ANKS1B: variants seen among roughly 807,000 people sequenced by gnomAD.
ANKS1B encodes ankyrin repeat and sterile alpha motif domain-containing protein 1B.
ANKS1B carries 36 observed loss-of-function variants against 148.3 expected under a neutral mutation model. That is an observed-to-expected ratio of 0.24 (90% CI 0.19 to 0.32). The LOEUF (loss-of-function observed/expected upper bound fraction) is 0.32, where lower values mean the gene tolerates loss of function less well. Ranked by LOEUF, ANKS1B falls within the 10% of genes least tolerant of loss-of-function variation. The probability of loss-of-function intolerance (pLI) is 1.00; values close to 1 mark genes in which losing one functional copy is unlikely to be tolerated. For synonymous variants in ANKS1B, 542 were observed against 560.8 expected (o/e 0.97, Z 0.47); for missense variants, 1,157 against 1,542.6 (o/e 0.75, Z 4.19).
At chr12:99,840,644 A>G (rs1290514031) in intron 1 of ANKS1B, among the ~76,000 whole-genome samples, 1 of 152,170 alleles carries the variant, frequency 6.6e-6, no homozygotes, top group African/African-American at 2.4e-5. Context: ...ACGTGCAAAG[A>G]AAAGAAACAG....
chr12:98,844,389 C>G (rs561038155), intron 17 of ANKS1B, among the ~76,000 whole-genome samples: 1 of 152,256 alleles, frequency 6.6e-6, no homozygotes, highest in African/African-American at 2.4e-5. Context: ...AAGGGCTGAG[C>G]CCTCCCCTGG....
intron 15 of ANKS1B, among the ~76,000 whole-genome samples, chr12:99,107,375 A>G (rs1341371952): frequency 6.6e-6 from 1 of 152,166 alleles, no homozygotes; most frequent in Non-Finnish European, 1.5e-5. Flanking sequence ...ATGCCAGATG[A>G]TTAAGTAGAA....
intron 14 of ANKS1B, among the ~76,000 whole-genome samples, chr12:99,180,024 A>G (rs866079749): frequency 7.2e-5 from 11 of 152,196 alleles, no homozygotes; most frequent in South Asian, 2.1e-4. Flanking sequence ...TTTATTCATT[A>G]CCTGCCTCAT....
At chr12:98,942,358 C>T (rs1054505200) in intron 17 of ANKS1B, among the ~76,000 whole-genome samples, 2 of 152,130 alleles carry the variant, frequency 1.3e-5, no homozygotes, top group Non-Finnish European at 2.9e-5. Flanking sequence ...AACAGGCTGA[C>T]TTTTTGAGCC....
At chr12:99,936,927 T>A (rs985617585) in intron 1 of ANKS1B, among the ~76,000 whole-genome samples, 4 of 152,176 alleles carry the variant, frequency 2.6e-5, no homozygotes, top group African/African-American at 9.7e-5. Context: ...ATAGATTTTT[T>A]AAAGTGGAAA....
intron 17 of ANKS1B, among the ~76,000 whole-genome samples, chr12:98,928,678 T>C (rs1239029737): frequency 6.6e-6 from 1 of 151,830 alleles, no homozygotes; most frequent in East Asian, 1.9e-4. Flanking sequence ...ATATATAAAA[T>C]GACAAAAATT....
intron 12 of ANKS1B, among the ~76,000 whole-genome samples, chr12:99,399,335 C>A (rs934868805): frequency 1.3e-5 from 2 of 152,094 alleles, no homozygotes; most frequent in Non-Finnish European, 2.9e-5. Flanking sequence ...TTAGTTGATA[C>A]CGCTGTGTGG....
intron 17 of ANKS1B, among the ~76,000 whole-genome samples, chr12:98,899,877 A>G (rs2099769771): frequency 6.6e-6 from 1 of 152,216 alleles, no homozygotes. Context: ...CACTCTGATA[A>G]AAATGTCTGA....
intron 12 of ANKS1B, among the ~76,000 whole-genome samples, chr12:99,282,525 C>T (rs943021980): frequency 1.3e-5 from 2 of 152,018 alleles, no homozygotes; most frequent in African/African-American, 4.8e-5. Flanking sequence ...AAGAGAAGGT[C>T]GAAGCAGGCC....
At position 99,246,395 on chromosome 12, in the gene ANKS1B, G is replaced by A. The variant is rs1253946527; in HGVS notation, c.2226C>T (p.Leu742=). 2 of 1,613,776 alleles carry A rather than the reference G, an allele frequency of 1.2e-6. No individual in the cohort carries two copies. The highest frequency in any genetic ancestry group is 1.7e-6 in the Non-Finnish European group (2 of 1,179,860). ...TTTTCTCATTGGAAGGATAGGCAAT[G>A]AGATCAGAATCAGATTTAGAGACAC... is the stretch of plus-strand genomic sequence containing the variant. ...SKSVSKSDSD[L]IAYPSNEKTS... Residue 742 remains leucine, a synonymous_variant, in exon 13 of 27, where the codon CTC becomes CTT. Coordinates refer to ENST00000683438, the MANE Select transcript of ANKS1B (RefSeq NM_001352186.2).
chr12:99,803,790 T>C (rs1313320315), intron 4 of ANKS1B, among the ~76,000 whole-genome samples: 1 of 152,202 alleles, frequency 6.6e-6, no homozygotes, highest in African/African-American at 2.4e-5. Context: ...TGTTGGACTT[T>C]CAAAGGTCCC....
intron 1 of ANKS1B, among the ~76,000 whole-genome samples, chr12:99,840,120 T>C (rs914471405): frequency 6.6e-6 from 1 of 152,110 alleles, no homozygotes; most frequent in Non-Finnish European, 1.5e-5. Flanking sequence ...TACAAATGAA[T>C]ATATAAATAT....
At chr12:99,952,260 T>C (rs1318834481) in intron 1 of ANKS1B, among the ~76,000 whole-genome samples, 1 of 152,152 alleles carries the variant, frequency 6.6e-6, no homozygotes, top group Non-Finnish European at 1.5e-5. Context: ...AAATGCTGAA[T>C]TGATCCTCTA....
intron 25 of ANKS1B, among the ~76,000 whole-genome samples, chr12:98,772,552 G>T (rs2098600696): frequency 6.6e-6 from 1 of 152,190 alleles, no homozygotes; most frequent in Non-Finnish European, 1.5e-5. Context: ...CGGCAGGCAA[G>T]AGAGAGCTTG....
chr12:99,353,041 T>C (rs2091598427), intron 12 of ANKS1B, among the ~76,000 whole-genome samples: 1 of 152,060 alleles, frequency 6.6e-6, no homozygotes, highest in Admixed American at 6.6e-5. Context: ...CAAGTTTCAC[T>C]GTACACAAAA....
chr12:99,025,264 T>C (rs1338044661), intron 17 of ANKS1B, among the ~76,000 whole-genome samples: 1 of 152,156 alleles, frequency 6.6e-6, no homozygotes, highest in Non-Finnish European at 1.5e-5. Flanking sequence ...GATAATAGAT[T>C]GAGAAAATGA....
At chr12:99,354,577 C>T (rs375601919) in intron 12 of ANKS1B, among the ~76,000 whole-genome samples, 30 of 151,804 alleles carry the variant, frequency 2.0e-4, no homozygotes, top group Non-Finnish European at 1.5e-4. Flanking sequence ...GATGAATACC[C>T]AAAAGAAATG....
At chr12:99,648,196 C>T (rs2153431553) in intron 9 of ANKS1B, 1 of 1,613,914 alleles carries the variant, frequency 6.2e-7, no homozygotes, top group South Asian at 1.1e-5. Flanking sequence ...CTGTATGCTA[C>T]CGTATTACAC....
chr12:99,285,446 G>A (rs1010044215), intron 12 of ANKS1B, among the ~76,000 whole-genome samples: 3 of 152,000 alleles, frequency 2.0e-5, no homozygotes, highest in South Asian at 2.1e-4. Context: ...TCATTCTATC[G>A]CCATTTGTTT....
Sources: gnomAD v4.1 joint callset for allele counts (sites outside exome capture counted in the v4.1 genomes callset) on GRCh38, gnomAD v4.1.1 for gene constraint, MANE v1.5 for transcripts, NCBI Gene and HGNC (gene_info 2026-07-23, HGNC 2026-07-21) for gene names.